Variants in RYK observed in about 807,000 individuals in gnomAD.
RYK encodes the protein receptor like tyrosine kinase, also known as inactive tyrosine-protein kinase RYK.
A neutral mutation model predicts 70.2 loss-of-function variants in RYK; 21 were observed. That is an observed-to-expected ratio of 0.30 (90% CI 0.21 to 0.43). The LOEUF (loss-of-function observed/expected upper bound fraction) is 0.43, where lower values mean the gene tolerates loss of function less well. Ranked by LOEUF, RYK falls within the 20% of genes least tolerant of loss-of-function variation. The pLI, the probability that RYK is intolerant of heterozygous loss-of-function variation, is 1.00. For missense variants in RYK, 604 were observed against 753.3 expected (o/e 0.80, Z 2.32); for synonymous variants, 267 against 278.0 (o/e 0.96, Z 0.39).
intron 13 of RYK, among the ~76,000 whole-genome samples, chr3:134,172,547 C>T (rs1013246179): frequency 7.9e-5 from 12 of 152,222 alleles, no homozygotes; most frequent in Admixed American, 3.3e-4. Context: ...TCATTCAGTA[C>T]AGCAGCTGTG....
chr3:134,222,253 G>A (rs145249103), intron 2 of RYK, among the ~76,000 whole-genome samples, 165 bp downstream of exon 2: 1 of 152,160 alleles, frequency 6.6e-6, no homozygotes, highest in African/African-American at 2.4e-5. Flanking sequence ...AATTTTAGAG[G>A]AATAGGCCAA....
chr3:134,193,014 T>C (rs894531737), intron 7 of RYK, among the ~76,000 whole-genome samples: 1 of 152,234 alleles, frequency 6.6e-6, no homozygotes, highest in African/African-American at 2.4e-5. Context: ...TCTTTTTCTA[T>C]CTGTAAACAA....
intron 4 of RYK, among the ~76,000 whole-genome samples, chr3:134,209,148 C>T (rs2014313603): frequency 6.6e-6 from 1 of 152,146 alleles, no homozygotes; most frequent in Non-Finnish European, 1.5e-5. Context: ...TTGCTAAGTA[C>T]CCACATACGG....
At chr3:134,206,954 G>GT (rs1223110521) in intron 5 of RYK, among the ~76,000 whole-genome samples, 1 of 151,912 alleles carries the variant, frequency 6.6e-6, no homozygotes, top group Non-Finnish European at 1.5e-5. Flanking sequence ...CGCAAGAAGA[G>GT]TAAGACCCAA....
chr3:134,216,004 C>T (rs1239699804), intron 2 of RYK, among the ~76,000 whole-genome samples: 1 of 145,968 alleles, frequency 6.9e-6, no homozygotes, highest in Admixed American at 7.0e-5. Flanking sequence ...CCACTGCACG[C>T]CAGTGTGGGT....
At chr3:134,211,167 G>C (rs2014380350) in intron 3 of RYK, among the ~76,000 whole-genome samples, 1 of 152,122 alleles carries the variant, frequency 6.6e-6, no homozygotes, top group Non-Finnish European at 1.5e-5. Flanking sequence ...ACGTCACAGG[G>C]TCAAACATGA....
chr3:134,164,699 G>T (rs1168848460), intron 13 of RYK, among the ~76,000 whole-genome samples: 4 of 152,232 alleles, frequency 2.6e-5, no homozygotes, highest in African/African-American at 9.6e-5. Flanking sequence ...TAAAAATAAA[G>T]CTGCTATGAA....
chr3:134,240,654 T>C (rs1056972329), intron 1 of RYK, among the ~76,000 whole-genome samples: 3 of 152,194 alleles, frequency 2.0e-5, no homozygotes, highest in Non-Finnish European at 2.9e-5. Flanking sequence ...GAATATGACA[T>C]ATACCAGTTT....
intron 1 of RYK, among the ~76,000 whole-genome samples, chr3:134,246,190 CT>C (rs755560931): frequency 2.2e-4 from 34 of 151,430 alleles, no homozygotes; most frequent in Middle Eastern, 3.4e-3. Context: ...CATTCCCCCC[CT>C]CCCACTCCTT....
chr3:134,197,704 G>A (rs2013859183), intron 6 of RYK, among the ~76,000 whole-genome samples: 1 of 152,132 alleles, frequency 6.6e-6, no homozygotes, highest in Non-Finnish European at 1.5e-5. Flanking sequence ...CAAAAGGGGA[G>A]GAAATAAATG....
At chr3:134,205,589 C>T (rs1156287011) in intron 5 of RYK, among the ~76,000 whole-genome samples, 1 of 152,114 alleles carries the variant, frequency 6.6e-6, no homozygotes, top group Non-Finnish European at 1.5e-5. Context: ...CTGGGCAGAT[C>T]CCCCTAGATG....
At chr3:134,204,247 C>A (rs372478887) in intron 5 of RYK, among the ~76,000 whole-genome samples, 2 of 152,102 alleles carry the variant, frequency 1.3e-5, no homozygotes, top group Admixed American at 6.5e-5. Flanking sequence ...GTAATCCCAG[C>A]GCTTTGGGAG....
chr3:134,170,056 C>T (rs1042804435), intron 13 of RYK, among the ~76,000 whole-genome samples: 2 of 152,142 alleles, frequency 1.3e-5, no homozygotes, highest in South Asian at 4.1e-4. Context: ...AGGACTTTTA[C>T]ACGAACAGTC....
rs1268326965 is a variant in RYK, at chr3:134,178,205, A to G, written c.1173-132T>C. 20 of 678,552 alleles carry G rather than the reference A, an allele frequency of 2.9e-5. No individual in the cohort carries two copies. The Admixed American group carries it at 4.4e-4, about 15-fold the overall frequency. 42.0% of individuals were successfully genotyped at this position (678,552 alleles called of 1,614,324 possible). ...AAAACATGATTACCATTAAAAATGT[A>G]AAATTATAAGTGTTCTGTATTTTAA... is the stretch of plus-strand genomic sequence containing the variant. On this transcript the variant is annotated intron_variant, in intron 10 of 14. Transcript: ENST00000623711.
chr3:134,218,238 C>T (rs1422568409), intron 2 of RYK, among the ~76,000 whole-genome samples: 1 of 152,208 alleles, frequency 6.6e-6, no homozygotes, highest in African/African-American at 2.4e-5. Flanking sequence ...CACATCCCAA[C>T]TCTGAAAAGC....
chr3:134,188,265 A>G (rs2013536370), intron 9 of RYK, among the ~76,000 whole-genome samples: 1 of 151,444 alleles, frequency 6.6e-6, no homozygotes, highest in Non-Finnish European at 1.5e-5. Flanking sequence ...GGTTCAAGCA[A>G]TTCTCACACC....
intron 5 of RYK, among the ~76,000 whole-genome samples, chr3:134,203,562 A>G (rs560511354): frequency 6.6e-6 from 1 of 152,364 alleles, no homozygotes; most frequent in East Asian, 1.9e-4. Flanking sequence ...GGATTGTACC[A>G]AAGTAGAAAG....
At position 134,202,712 on chromosome 3, in the gene RYK, C is replaced by T. The variant is rs1172063550; in HGVS notation, c.788+18G>A. The T allele has an allele frequency of 1.2e-6, 2 of 1,602,584 alleles. No individual in the cohort carries two copies. The highest frequency in any genetic ancestry group is 1.7e-6 in the Non-Finnish European group (2 of 1,176,788). On this transcript the variant is annotated intron_variant, in intron 6 of 14. Transcript: ENST00000623711. ...TAACTGCTTTCATTTTTTTTCTTTCCCAAAATATGTACAATACCTGTCATC... is the reference window on the plus strand; with the variant it reads ...TAACTGCTTTCATTTTTTTTCTTTCTCAAAATATGTACAATACCTGTCATC...
chr3:134,244,608 A>G (rs2015406991), intron 1 of RYK, among the ~76,000 whole-genome samples: 1 of 152,164 alleles, frequency 6.6e-6, no homozygotes, highest in African/African-American at 2.4e-5. Flanking sequence ...GCGATGAACC[A>G]GGGCCCAGGA....
Sources: allele counts gnomAD v4.1 joint callset (sites outside exome capture counted in the v4.1 genomes callset), GRCh38; gene constraint gnomAD v4.1.1; transcripts MANE v1.5; gene names NCBI Gene and HGNC (gene_info 2026-07-23, HGNC 2026-07-21).